DSCAM: variants seen among roughly 807,000 people sequenced by gnomAD.
DSCAM encodes the protein cell adhesion molecule DSCAM.
In DSCAM, 47 loss-of-function variants were observed where a neutral mutation model predicts 217.7. That is an observed-to-expected ratio of 0.22 (90% confidence interval 0.17 to 0.28). The LOEUF is 0.28. DSCAM is among the 10% of genes least tolerant of loss of function. The probability of loss-of-function intolerance (pLI) is 1.00; values close to 1 mark genes in which losing one functional copy is unlikely to be tolerated. For synonymous variants in DSCAM, 1,056 were observed against 1,015.3 expected (o/e 1.04, Z -0.76); for missense variants, 2,080 against 2,618.3 (o/e 0.79, Z 4.49).
chr21:40,619,202 C>G (rs960233841), intron 3 of DSCAM, among the ~76,000 whole-genome samples: 1 of 152,148 alleles, frequency 6.6e-6, no homozygotes, highest in South Asian at 2.1e-4. Context: ...GTATAGCATT[C>G]TGAGATGAAT....
chr21:40,225,720 G>A (rs1055788925), intron 11 of DSCAM, among the ~76,000 whole-genome samples: 3 of 152,114 alleles, frequency 2.0e-5, no homozygotes, highest in Admixed American at 6.5e-5. Flanking sequence ...GGGTCCACAC[G>A]ATCTTTGTTG....
At chr21:40,333,951 A>T (rs1386721655) in intron 8 of DSCAM, among the ~76,000 whole-genome samples, 1 of 152,224 alleles carries the variant, frequency 6.6e-6, no homozygotes, top group African/African-American at 2.4e-5. Context: ...ATGGGGTCAT[A>T]GTCAATACAT....
intron 28 of DSCAM, among the ~76,000 whole-genome samples, chr21:40,058,812 C>T (rs17755228): frequency 6.6e-6 from 1 of 152,092 alleles, no homozygotes; most frequent in Non-Finnish European, 1.5e-5. Context: ...GTGATTTGAA[C>T]AAACCTCATT....
At chr21:40,201,531 T>C (rs2091069594) in intron 11 of DSCAM, among the ~76,000 whole-genome samples, 1 of 152,150 alleles carries the variant, frequency 6.6e-6, no homozygotes, top group African/African-American at 2.4e-5. Flanking sequence ...AACCTCTGCC[T>C]CCCTGGTTCA....
intron 22 of DSCAM, among the ~76,000 whole-genome samples, chr21:40,086,573 T>A (rs1158826295): frequency 6.6e-6 from 1 of 152,192 alleles, no homozygotes; most frequent in African/African-American, 2.4e-5. Context: ...TTTCGACCCT[T>A]AACTTATATC....
chr21:40,708,989 T>A (rs147523660), intron 1 of DSCAM, among the ~76,000 whole-genome samples: 1 of 152,316 alleles, frequency 6.6e-6, no homozygotes, highest in African/African-American at 2.4e-5. Flanking sequence ...ACACAAACTG[T>A]TAAGTTATCC....
At chr21:40,119,316 G>A (rs934320368) in intron 20 of DSCAM, among the ~76,000 whole-genome samples, 1 of 152,136 alleles carries the variant, frequency 6.6e-6, no homozygotes, top group Non-Finnish European at 1.5e-5. Context: ...AAGGCTTCTG[G>A]TCAGAAGGCA....
intron 11 of DSCAM, among the ~76,000 whole-genome samples, chr21:40,270,661 G>A (rs1029261396): frequency 2.6e-4 from 40 of 152,286 alleles, no homozygotes; most frequent in African/African-American, 9.6e-4. Context: ...CTTGGTGGGA[G>A]GTGATTGGCT....
At chr21:40,300,330 T>C (rs996593963) in intron 9 of DSCAM, among the ~76,000 whole-genome samples, 3 of 152,216 alleles carry the variant, frequency 2.0e-5, no homozygotes, top group Admixed American at 6.5e-5. Flanking sequence ...ATCCTCTTCT[T>C]TCATTTCTTT....
At chr21:40,344,741 C>A (rs2074539716) in intron 6 of DSCAM, among the ~76,000 whole-genome samples, 1 of 152,130 alleles carries the variant, frequency 6.6e-6, no homozygotes, top group South Asian at 2.1e-4. Flanking sequence ...GATGTACTGA[C>A]ATAGAATTTT....
In DSCAM at chr21:40,580,112, C is replaced by T. The variant is rs142704696; in HGVS notation, c.508+112698G>A. ...TTTTTTTTTTCCTGAGACAGAGTCTCGCTCTGTTGCCCAAGCTGGAGTGCA... is the reference window on the plus strand; with the variant it reads ...TTTTTTTTTTCCTGAGACAGAGTCTTGCTCTGTTGCCCAAGCTGGAGTGCA... On this transcript the variant is annotated intron_variant, in intron 3 of 32. Transcript: ENST00000400454. Among the ~76,000 whole-genome samples, 1,368 of 151,046 alleles carry T rather than the reference C, an allele frequency of 9.1e-3. 12 individuals carry two copies. The highest frequency in any genetic ancestry group is 0.029 in the African/African-American group (1,173 of 41,134).
intron 1 of DSCAM, among the ~76,000 whole-genome samples, chr21:40,779,032 G>GAAA (rs772208075): frequency 2.6e-4 from 12 of 45,548 alleles, no homozygotes; most frequent in African/African-American, 5.1e-4. Flanking sequence ...CTCAAAAACA[G>GAAA]AAAAAAAAAA....
intron 3 of DSCAM, among the ~76,000 whole-genome samples, chr21:40,518,087 G>C (rs1014546462): frequency 6.6e-6 from 1 of 151,550 alleles, no homozygotes; most frequent in Non-Finnish European, 1.5e-5. Flanking sequence ...ACCAAGGAGG[G>C]CACATAGAAC....
At chr21:40,846,557 AC>A (rs368854317) in intron 1 of DSCAM, 61 bp downstream of exon 1, 7 of 79,496 alleles carry the variant, frequency 8.8e-5, no homozygotes, top group South Asian at 1.6e-4. Flanking sequence ...GCCACCCCCC[AC>A]CCCCCCGCCC....
intron 3 of DSCAM, among the ~76,000 whole-genome samples, chr21:40,413,381 C>T (rs2075341065): frequency 6.6e-6 from 1 of 152,214 alleles, no homozygotes; most frequent in Non-Finnish European, 1.5e-5. Context: ...CCTGCAAAGC[C>T]ACAGAGGCAG....
chr21:40,162,360 G>A (rs2090549204), intron 16 of DSCAM, among the ~76,000 whole-genome samples: 1 of 152,238 alleles, frequency 6.6e-6, no homozygotes, highest in Non-Finnish European at 1.5e-5. Flanking sequence ...AGTTGGCCAG[G>A]AAATACTAGT....
chr21:40,846,470 A>T (rs2092145913), intron 1 of DSCAM, 149 bp downstream of exon 1: 1 of 289,722 alleles, frequency 3.5e-6, no homozygotes, highest in Non-Finnish European at 6.2e-6. Context: ...TATGATATTT[A>T]AAAAATAAAT....
chr21:40,712,323 C>T (rs531975567), intron 1 of DSCAM, among the ~76,000 whole-genome samples: 124 of 151,948 alleles, frequency 8.2e-4, no homozygotes, highest in African/African-American at 2.8e-3. Context: ...ATTAGCCGGG[C>T]ACGGTGGCGG....
intron 3 of DSCAM, among the ~76,000 whole-genome samples, chr21:40,403,756 G>A (rs1189019759): frequency 3.9e-5 from 6 of 152,074 alleles, no homozygotes; most frequent in African/African-American, 1.4e-4. Flanking sequence ...CCTAAAATGT[G>A]ATAGAAGGCC....
Sources: gnomAD v4.1 joint callset for allele counts (sites outside exome capture counted in the v4.1 genomes callset) on GRCh38, gnomAD v4.1.1 for gene constraint, MANE v1.5 for transcripts, NCBI Gene and HGNC (gene_info 2026-07-23, HGNC 2026-07-21) for gene names.